HCRTR2: variants seen among roughly 807,000 people sequenced by gnomAD.
HCRTR2 encodes orexin receptor type 2.
HCRTR2 carries 22 observed loss-of-function variants against 49.0 expected under a neutral mutation model. The ratio of observed to expected loss-of-function variants is 0.45; its 90% confidence interval spans 0.32 to 0.64. The LOEUF is 0.64. Ranked by LOEUF, HCRTR2 falls within the 30% of genes least tolerant of loss-of-function variation. The pLI is 0.04. For missense variants in HCRTR2, 491 were observed against 559.4 expected, an observed-to-expected ratio of 0.88 and a Z score of 1.23; for synonymous variants, 236 against 205.3, an observed-to-expected ratio of 1.15 and a Z score of -1.28.
At chr6:55,159,456 C>A (rs1197600276) in intron 1 of HCRTR2, among the ~76,000 whole-genome samples, 1 of 152,102 alleles carries the variant, frequency 6.6e-6, no homozygotes, top group Non-Finnish European at 1.5e-5. Flanking sequence ...CAATTCCTCA[C>A]CAGCAAGGGG....
intron 1 of HCRTR2, among the ~76,000 whole-genome samples, chr6:55,234,383 A>T (rs896678963): frequency 6.6e-6 from 1 of 152,170 alleles, no homozygotes; most frequent in Non-Finnish European, 1.5e-5. Context: ...AAAATAGGCT[A>T]TCTATATTAG....
chr6:55,120,939 G>A (rs1764189943), intron 1 of HCRTR2, among the ~76,000 whole-genome samples: 1 of 152,056 alleles, frequency 6.6e-6, no homozygotes, highest in African/African-American at 2.4e-5. Context: ...TTTGGCTTAG[G>A]ATTGTCTTGG....
chr6:55,259,912 T>A (rs1766722777), intron 3 of HCRTR2, among the ~76,000 whole-genome samples: 1 of 151,968 alleles, frequency 6.6e-6, no homozygotes, highest in African/African-American at 2.4e-5. Flanking sequence ...CATATCTGAG[T>A]TTTTAATCAG....
intron 1 of HCRTR2, among the ~76,000 whole-genome samples, chr6:55,112,685 A>C (rs559162420): frequency 6.6e-6 from 1 of 152,186 alleles, no homozygotes; most frequent in South Asian, 2.1e-4. Flanking sequence ...ATGGATATGT[A>C]AACTCAATTT....
At chr6:55,134,667 A>C (rs1331503386) in intron 1 of HCRTR2, among the ~76,000 whole-genome samples, 2 of 151,748 alleles carry the variant, frequency 1.3e-5, no homozygotes, top group Non-Finnish European at 2.9e-5. Flanking sequence ...GTAACTACAC[A>C]TTTTATTCTC....
At chr6:55,280,643 A>G (rs1161220969) in intron 6 of HCRTR2, 199 bp downstream of exon 6, 1 of 184,954 alleles carries the variant, frequency 5.4e-6, no homozygotes. Context: ...TGATTTTTCC[A>G]TGTCAAACGT....
At chr6:55,281,713 C>G (rs1767193965) in intron 6 of HCRTR2, among the ~76,000 whole-genome samples, 1 of 152,054 alleles carries the variant, frequency 6.6e-6, no homozygotes, top group Non-Finnish European at 1.5e-5. Context: ...TTTGTTCTTT[C>G]TTATATAGAT....
intron 1 of HCRTR2, among the ~76,000 whole-genome samples, chr6:55,112,790 C>G (rs988821289): frequency 6.6e-6 from 1 of 151,642 alleles, no homozygotes. Flanking sequence ...GAAATAAAAC[C>G]TTCAATTCCT....
At chr6:55,240,124 G>A (rs149124709) in intron 1 of HCRTR2, among the ~76,000 whole-genome samples, 77 of 151,764 alleles carry the variant, frequency 5.1e-4, no homozygotes, top group Admixed American at 2.0e-3. Context: ...TTGGGAGGCC[G>A]AGGCAGGGGG....
intron 1 of HCRTR2, among the ~76,000 whole-genome samples, chr6:55,210,903 T>C (rs967064107): frequency 3.9e-5 from 6 of 152,294 alleles, no homozygotes; most frequent in African/African-American, 1.2e-4. Context: ...AGTACGCTCA[T>C]GCACCACATA....
At chr6:55,166,855 A>G (rs1199224421) in intron 1 of HCRTR2, among the ~76,000 whole-genome samples, 1 of 152,192 alleles carries the variant, frequency 6.6e-6, no homozygotes, top group East Asian at 1.9e-4. Flanking sequence ...ATAATTAAAT[A>G]CTATTCAGCC....
intron 1 of HCRTR2, among the ~76,000 whole-genome samples, chr6:55,204,183 A>G (rs1377390747): frequency 1.3e-5 from 2 of 152,096 alleles, no homozygotes; most frequent in East Asian, 3.9e-4. Context: ...CAGAGCACTC[A>G]CCAGGAGCAC....
At chr6:55,231,514 T>C (rs1040651651) in intron 1 of HCRTR2, among the ~76,000 whole-genome samples, 1 of 151,736 alleles carries the variant, frequency 6.6e-6, no homozygotes, top group African/African-American at 2.4e-5. Flanking sequence ...GTACTTGCAT[T>C]TTTTTTTAGG....
At chr6:55,163,521 G>A (rs979329353) in intron 1 of HCRTR2, among the ~76,000 whole-genome samples, 3 of 152,054 alleles carry the variant, frequency 2.0e-5, no homozygotes, top group Admixed American at 6.6e-5. Flanking sequence ...AACAAGCAAT[G>A]GGGAAAGGAT....
chr6:55,267,244 CAG>C (rs1435951177), intron 4 of HCRTR2, among the ~76,000 whole-genome samples: 1 of 152,132 alleles, frequency 6.6e-6, no homozygotes, highest in Non-Finnish European at 1.5e-5. Context: ...CTTAAAATTA[CAG>C]AGATGCATGA....
chr6:55,204,244 A>G (rs567439880), intron 1 of HCRTR2, among the ~76,000 whole-genome samples: 2 of 152,224 alleles, frequency 1.3e-5, no homozygotes, highest in East Asian at 3.9e-4. Context: ...CAGCTCTCAT[A>G]TTCCTTGGGT....
intron 4 of HCRTR2, among the ~76,000 whole-genome samples, chr6:55,271,254 T>A (rs914577648): frequency 6.6e-6 from 1 of 152,148 alleles, no homozygotes; most frequent in Non-Finnish European, 1.5e-5. Context: ...TTATGATTAA[T>A]TGAGTATTGA....
chr6:55,211,709 C>T (rs1176483336), intron 1 of HCRTR2, among the ~76,000 whole-genome samples: 1 of 152,116 alleles, frequency 6.6e-6, no homozygotes, highest in East Asian at 1.9e-4. Flanking sequence ...CTTCACTGAC[C>T]TTTAAGCCTT....
At chr6:55,208,335 A>AT (rs1765640347) in intron 1 of HCRTR2, among the ~76,000 whole-genome samples, 1 of 151,016 alleles carries the variant, frequency 6.6e-6, no homozygotes, top group South Asian at 2.1e-4. Flanking sequence ...AATAAAAAAA[A>AT]AAAAAAAATA....
Sources: gnomAD v4.1 joint callset for allele counts (sites outside exome capture counted in the v4.1 genomes callset) on GRCh38, gnomAD v4.1.1 for gene constraint, MANE v1.5 for transcripts, NCBI Gene and HGNC (gene_info 2026-07-23, HGNC 2026-07-21) for gene names.